PLXNA4: variants seen among roughly 807,000 people sequenced by gnomAD.
PLXNA4 encodes the protein plexin A4.
PLXNA4 carries 44 observed loss-of-function variants against 191.8 expected under a neutral mutation model. That is an observed-to-expected ratio of 0.23 (90% CI 0.18 to 0.29). The LOEUF (loss-of-function observed/expected upper bound fraction) is 0.29. Among genes scored for constraint, PLXNA4 ranks in the 10% least tolerant of loss-of-function variants. The pLI is 1.00. For missense variants in PLXNA4, 1,800 were observed against 2,488.8 expected (o/e 0.72, Z 5.89); for synonymous variants, 1,082 against 1,009.5 (o/e 1.07, Z -1.36).
At chr7:132,316,846 A>G (rs936200683) in intron 3 of PLXNA4, among the ~76,000 whole-genome samples, 10 of 152,202 alleles carry the variant, frequency 6.6e-5, no homozygotes, top group African/African-American at 2.2e-4. Flanking sequence ...AGTTTCATCA[A>G]TGCAGAGTGA....
chr7:132,620,093 C>T (rs370030002), intron 2 of PLXNA4, among the ~76,000 whole-genome samples: 9 of 152,292 alleles, frequency 5.9e-5, no homozygotes, highest in South Asian at 2.1e-4. Flanking sequence ...TGAGCCACCG[C>T]GCCTGGCCCA....
intron 2 of PLXNA4, among the ~76,000 whole-genome samples, chr7:132,582,508 C>G (rs1802421636): frequency 6.6e-6 from 1 of 151,908 alleles, no homozygotes; most frequent in African/African-American, 2.4e-5. Context: ...AAGGCTAGGT[C>G]AAAAAAAGAC....
chr7:132,418,861 A>G (rs1164327885), intron 3 of PLXNA4, among the ~76,000 whole-genome samples: 1 of 152,192 alleles, frequency 6.6e-6, no homozygotes, highest in Non-Finnish European at 1.5e-5. Flanking sequence ...CACTTCCTCC[A>G]GGCCTGGATT....
At chr7:132,178,016 C>A (rs1044711292) in intron 20 of PLXNA4, among the ~76,000 whole-genome samples, 1 of 152,170 alleles carries the variant, frequency 6.6e-6, no homozygotes, top group African/African-American at 2.4e-5. Flanking sequence ...GGATGAGTCA[C>A]AAAATGATAT....
chr7:132,482,318 G>T (rs371979101), intron 3 of PLXNA4, among the ~76,000 whole-genome samples: 1 of 152,178 alleles, frequency 6.6e-6, no homozygotes, highest in Non-Finnish European at 1.5e-5. Context: ...CTCAGACATC[G>T]TTCTAGAGAA....
intron 2 of PLXNA4, among the ~76,000 whole-genome samples, chr7:132,606,352 G>A (rs1030082409): frequency 1.3e-5 from 2 of 152,178 alleles, no homozygotes; most frequent in African/African-American, 4.8e-5. Context: ...GTGGTACTTT[G>A]TTATGTCAGC....
Position 132,179,866 on chromosome 7 carries a change from C to T in PLXNA4, c.3695G>A (p.Ser1232Asn), listed in dbSNP as rs1389046822. 1 of 1,613,176 alleles carries T rather than the reference C, an allele frequency of 6.2e-7. No individual in the cohort carries two copies. The highest frequency in any genetic ancestry group is 8.5e-7 in the Non-Finnish European group (1 of 1,179,952). Residue 1232 changes from serine to asparagine, a missense_variant, in exon 20 of 32, where the codon AGC becomes AAC. Physicochemically the swap from Ser to Asn is conservative, Grantham distance 46 (BLOSUM62 1). Transcript: ENST00000321063. Reference protein sequence around the residue: ...SPGMVYIAPDSPLSLPAIVSI... With the variant: ...SPGMVYIAPDNPLSLPAIVSI... Reference sequence around the variant, plus strand: ...GACGATGGCGGGCAGGCTGAGCGGGCTGTCCGGGGCAATGTACACCATCCC... The same window carrying T: ...GACGATGGCGGGCAGGCTGAGCGGGTTGTCCGGGGCAATGTACACCATCCC...
intron 2 of PLXNA4, among the ~76,000 whole-genome samples, chr7:132,613,357 C>T (rs776393039): frequency 5.9e-5 from 9 of 152,138 alleles, no homozygotes; most frequent in Non-Finnish European, 8.8e-5. Context: ...AGCCACCCTC[C>T]CCCCCGACAT....
At chr7:132,451,172 C>T (rs1031632328) in intron 3 of PLXNA4, among the ~76,000 whole-genome samples, 2 of 152,336 alleles carry the variant, frequency 1.3e-5, no homozygotes, top group Middle Eastern at 3.4e-3. Flanking sequence ...ACGAGGGACT[C>T]AGGGCCCACC....
At chr7:132,356,912 G>T (rs1803731217) in intron 3 of PLXNA4, among the ~76,000 whole-genome samples, 1 of 152,276 alleles carries the variant, frequency 6.6e-6, no homozygotes, top group East Asian at 1.9e-4. Context: ...AGAGTCAAAA[G>T]TACTCCCTGA....
At chr7:132,322,971 C>T (rs931709880) in intron 3 of PLXNA4, among the ~76,000 whole-genome samples, 1 of 152,136 alleles carries the variant, frequency 6.6e-6, no homozygotes, top group African/African-American at 2.4e-5. Flanking sequence ...GAGGCCTTAA[C>T]ATCAGAAATA....
intron 3 of PLXNA4, among the ~76,000 whole-genome samples, chr7:132,416,693 T>C (rs1794673281): frequency 6.6e-6 from 1 of 152,218 alleles, no homozygotes; most frequent in Admixed American, 6.5e-5. Flanking sequence ...TGAACATTTG[T>C]AAAATAGCAG....
chr7:132,246,618 T>G (rs1455538648), intron 4 of PLXNA4, among the ~76,000 whole-genome samples: 1 of 152,130 alleles, frequency 6.6e-6, no homozygotes, highest in Non-Finnish European at 1.5e-5. Flanking sequence ...CCTTCCCCAT[T>G]TACACTTCCT....
chr7:132,552,399 C>T (rs1800603241), intron 1 of PLXNA4, among the ~76,000 whole-genome samples: 1 of 152,096 alleles, frequency 6.6e-6, no homozygotes, highest in Non-Finnish European at 1.5e-5. Flanking sequence ...TTACTCTTAC[C>T]CCCCTTCAAA....
At chr7:132,543,270 G>C (rs988072882) in intron 1 of PLXNA4, among the ~76,000 whole-genome samples, 1 of 152,166 alleles carries the variant, frequency 6.6e-6, no homozygotes, top group Non-Finnish European at 1.5e-5. Context: ...TTTACTTGTA[G>C]TTCCAACCCA....
At chr7:132,277,524 G>T (rs1038991567) in intron 4 of PLXNA4, among the ~76,000 whole-genome samples, 4 of 152,210 alleles carry the variant, frequency 2.6e-5, no homozygotes, top group Admixed American at 6.5e-5. Context: ...TTCCCCTGGG[G>T]AGATGAGTCC....
At chr7:132,301,300 T>C (rs1238007883) in intron 3 of PLXNA4, among the ~76,000 whole-genome samples, 1 of 152,148 alleles carries the variant, frequency 6.6e-6, no homozygotes, top group Non-Finnish European at 1.5e-5. Context: ...AAAATTTAGG[T>C]AGAATGGACC....
At chr7:132,185,221 A>T in intron 16 of PLXNA4, 78 bp downstream of exon 16, 2 of 1,517,898 alleles carry the variant, frequency 1.3e-6, no homozygotes, top group Non-Finnish European at 1.8e-6. Context: ...GGCCCCCAGA[A>T]CTCTCCTTGG....
intron 30 of PLXNA4, among the ~76,000 whole-genome samples, chr7:132,133,606 G>C (rs1044192106): frequency 6.6e-6 from 1 of 152,090 alleles, no homozygotes; most frequent in African/African-American, 2.4e-5. Context: ...TCTTCCGAGC[G>C]GTTGCTCTTC....
Sources: gnomAD v4.1 joint callset for allele counts (sites outside exome capture counted in the v4.1 genomes callset) on GRCh38, gnomAD v4.1.1 for gene constraint, MANE v1.5 for transcripts, NCBI Gene and HGNC (gene_info 2026-07-23, HGNC 2026-07-21) for gene names.